Variants in POLR1B observed in about 807,000 individuals in gnomAD.
POLR1B encodes the protein DNA-directed RNA polymerase I subunit RPA2.
POLR1B carries 30 observed loss-of-function variants against 105.8 expected under a neutral mutation model. The observed-to-expected ratio is 0.28, with a 90% CI of 0.21 to 0.38. The LOEUF is 0.38. POLR1B is among the 10% of genes least tolerant of loss of function. POLR1B has a pLI of 1.00. For missense variants in POLR1B, 976 were observed against 1,435.8 expected (o/e 0.68, Z 5.17); for synonymous variants, 485 against 505.1 (o/e 0.96, Z 0.53).
chr2:112,546,592 C>T (rs968883675), intron 1 of POLR1B, among the ~76,000 whole-genome samples: 42 of 106,690 alleles, frequency 3.9e-4, no homozygotes, highest in Admixed American at 3.2e-3. Flanking sequence ...GACGGAGTCT[C>T]GCTCTGTCGC....
Position 112,568,214 on chromosome 2 carries a change from T to A in POLR1B, c.1917+77T>A, listed in dbSNP as rs974667723. 2.1e-6 allele frequency: 3 copies of A among 1,396,000 alleles called. No homozygotes were observed. The African/African-American group carries it at 4.3e-5, about 20-fold the overall frequency. 86.5% of individuals were successfully genotyped at this position (1,396,000 alleles called of 1,614,324 possible). On this transcript the variant is annotated intron_variant, in intron 11 of 14. Coordinates refer to ENST00000263331, the MANE Select transcript of POLR1B (RefSeq NM_019014.6). ...CAACTTTCAGAGACTTAACTCTTCC[T>A]TTTTTAAAAGGGTTGTTAATGTTAC...
intron 1 of POLR1B, among the ~76,000 whole-genome samples, chr2:112,544,953 A>G (rs921650962): frequency 2.6e-5 from 4 of 152,198 alleles, no homozygotes; most frequent in African/African-American, 9.7e-5. Flanking sequence ...CATGCCCAGA[A>G]GCAGCAAAAA....
intron 14 of POLR1B, among the ~76,000 whole-genome samples, chr2:112,574,353 A>G (rs1684752771): frequency 6.6e-6 from 1 of 152,210 alleles, no homozygotes; most frequent in Admixed American, 6.5e-5. Context: ...TCAGATGAAC[A>G]TAATTCTGTA....
intron 11 of POLR1B, among the ~76,000 whole-genome samples, chr2:112,568,430 C>A (rs1367655754): frequency 6.6e-6 from 1 of 152,204 alleles, no homozygotes; most frequent in African/African-American, 2.4e-5. Flanking sequence ...GAAGTGAAAA[C>A]ATTCCATTAG....
In POLR1B at chr2:112,550,912, G is replaced by C; in HGVS notation, c.672G>C (p.Met224Ile). The C allele has an allele frequency of 6.2e-7, 1 of 1,613,890 alleles. No homozygotes were observed. The highest frequency in any genetic ancestry group is 1.1e-5 in the South Asian group (1 of 91,080). The change falls in exon 5 of 15, where the codon ATG becomes ATC. Residue 224 changes from methionine (M) to isoleucine (I), a missense_variant. Physicochemically the swap from Met to Ile is conservative, Grantham distance 10. Around this residue, in one of 12 missense-constraint regions of POLR1B, gnomAD observed 452 missense variants for 616.5 expected, o/e 0.73. Coordinates refer to ENST00000263331, the MANE Select transcript of POLR1B (RefSeq NM_019014.6). ...CVREEHSAVN[M>I]NLHYLENGTV... Reference sequence around the variant, plus strand: ...GGGAAGAACATTCCGCTGTCAATATGAACCTCCACTACTTGGAAAATGGCA... The same window carrying C: ...GGGAAGAACATTCCGCTGTCAATATCAACCTCCACTACTTGGAAAATGGCA...
At position 112,575,191 on chromosome 2, in the gene POLR1B, C is replaced by T; in HGVS notation, c.2870C>T (p.Ser957Leu). ...ATPFIFSEEN[S>L]ALEYFGEMLK... ...CCCTTCATCTTCTCAGAGGAGAACTCGGCCTTAGAATACTTTGGTGAGATG... is the reference window on the plus strand; with the variant it reads ...CCCTTCATCTTCTCAGAGGAGAACTTGGCCTTAGAATACTTTGGTGAGATG... The change falls in exon 15 of 15, where the codon TCG becomes TTG. Residue 957 changes from serine (S) to leucine (L), a missense_variant. Transcript: ENST00000263331. This position sits in a 1 kb window ranked among gnomAD's most constrained non-coding sequence, Gnocchi z 5.3. 1.2e-6 allele frequency: 2 copies of T among 1,614,102 alleles called. No individual in the cohort carries two copies. The highest frequency in any genetic ancestry group is 8.5e-7 in the Non-Finnish European group (1 of 1,180,034).
intron 9 of POLR1B, among the ~76,000 whole-genome samples, chr2:112,559,920 G>A (rs1338396939): frequency 2.0e-5 from 3 of 152,072 alleles, no homozygotes; most frequent in African/African-American, 7.2e-5. Context: ...GTGAGCCACC[G>A]CGCCCGGCCA....
At chr2:112,552,531 A>G (rs1683424324) in intron 6 of POLR1B, 114 bp from the exon 7 acceptor site, 2 of 1,154,750 alleles carry the variant, frequency 1.7e-6, no homozygotes, top group Non-Finnish European at 2.3e-6. Flanking sequence ...CTGAATGCTT[A>G]ATTTTATTTA....
chr2:112,550,029 G>A (rs1381122300), intron 4 of POLR1B, among the ~76,000 whole-genome samples: 1 of 152,210 alleles, frequency 6.6e-6, no homozygotes, highest in East Asian at 1.9e-4. Context: ...AAGAGCATGT[G>A]TATTTTTGTT....
Position 112,575,573 on chromosome 2 carries a change from A to G in POLR1B, c.3252A>G (p.Pro1084=). Residue 1084 remains proline (P), a synonymous_variant, in exon 15 of 15, where the codon CCA becomes CCG. Coordinates refer to ENST00000263331, the MANE Select transcript of POLR1B (RefSeq NM_019014.6). The surrounding 1 kb of genome is among the most constrained non-coding windows in gnomAD (Gnocchi z 5.3). ...GSLLSPLLEK[P]PPSWSAMRNR... is the part of the protein sequence containing the mutation. ...TACTCTCTCCACTGTTGGAGAAGCC[A>G]CCCCCTTCTTGGTCTGCCATGCGCA... 1 of 1,613,758 alleles carries G rather than the reference A, an allele frequency of 6.2e-7. No homozygotes were observed. The highest frequency in any genetic ancestry group is 8.5e-7 in the Non-Finnish European group (1 of 1,179,938).
chr2:112,578,537 A>G lies in POLR1B; in HGVS notation c.*2808A>G, dbSNP rs943686818. Among the ~76,000 whole-genome samples the G allele has an allele frequency of 6.6e-6, 1 of 152,202 alleles. No individual in the cohort carries two copies. Among genetic ancestry groups the G allele is most frequent in the African/African-American group, 2.4e-5 (1 of 41,448 alleles). On this transcript the variant is annotated 3_prime_UTR_variant, in exon 15 of 15. Coordinates refer to ENST00000263331, the MANE Select transcript of POLR1B (RefSeq NM_019014.6). Reference sequence around the variant, plus strand: ...CTACACAGTACTCCATAGTATGAATATACTATGTACATAGCATATATATTT... The same window carrying G: ...CTACACAGTACTCCATAGTATGAATGTACTATGTACATAGCATATATATTT...
chr2:112,561,689 T>C (rs1683993850), intron 9 of POLR1B, among the ~76,000 whole-genome samples: 1 of 152,180 alleles, frequency 6.6e-6, no homozygotes, highest in African/African-American at 2.4e-5. Flanking sequence ...CGTGGTAACA[T>C]TGAATTCTCA....
intron 14 of POLR1B, 136 bp downstream of exon 14, chr2:112,573,951 A>G (rs946120888): frequency 3.8e-6 from 4 of 1,044,238 alleles, no homozygotes; most frequent in African/African-American, 3.2e-5. Flanking sequence ...GGCTCAAGCA[A>G]TCCTCTCGCC....
chr2:112,573,925 C>T (rs1308529089), intron 14 of POLR1B, 110 bp downstream of exon 14: 5 of 1,286,830 alleles, frequency 3.9e-6, no homozygotes, highest in East Asian at 2.4e-5. Context: ...CAGCTCACTA[C>T]AACCACCACC....
intron 10 of POLR1B, 129 bp downstream of exon 10, chr2:112,564,628 G>A: frequency 2.4e-6 from 3 of 1,249,148 alleles, no homozygotes; most frequent in Non-Finnish European, 3.4e-6. Flanking sequence ...TGTCCAGAAT[G>A]CCTGTGCATT....
At chr2:112,570,383 T>C (rs1684529197) in intron 12 of POLR1B, among the ~76,000 whole-genome samples, 1 of 152,202 alleles carries the variant, frequency 6.6e-6, no homozygotes, top group Admixed American at 6.5e-5. Context: ...ATTATCACAG[T>C]CACTTTTTAT....
chr2:112,548,615 CT>C (rs199599329), intron 3 of POLR1B, among the ~76,000 whole-genome samples: 369 of 142,656 alleles, frequency 2.6e-3, no homozygotes, highest in Admixed American at 3.7e-3. Context: ...TTTTATCTTT[CT>C]TTTTTTTTTT....
chr2:112,571,905 CTG>C (rs1684612727), intron 12 of POLR1B, among the ~76,000 whole-genome samples: 1 of 152,192 alleles, frequency 6.6e-6, no homozygotes, highest in Non-Finnish European at 1.5e-5. Context: ...CTCTCCAGTG[CTG>C]TATGTGTAGT....
intron 4 of POLR1B, 39 bp from the exon 5 acceptor site, chr2:112,550,827 T>C (rs769804722): frequency 6.2e-7 from 1 of 1,603,998 alleles, no homozygotes; most frequent in South Asian, 1.1e-5. Flanking sequence ...AATTAAGATA[T>C]CAATGAGTTT....
Sources: allele counts gnomAD v4.1 joint callset (sites outside exome capture counted in the v4.1 genomes callset), GRCh38; gene constraint gnomAD v4.1.1; regional missense constraint gnomAD v4.1.1; non-coding constraint Gnocchi (gnomAD v3.1); transcripts MANE v1.5; gene names NCBI Gene and HGNC (gene_info 2026-07-23, HGNC 2026-07-21).